MCPH1: variants seen among roughly 807,000 people sequenced by gnomAD.
MCPH1 encodes the protein microcephalin 1.
Under a neutral mutation model 84.5 loss-of-function variants are expected in MCPH1, and 104 were observed. The ratio of observed to expected loss-of-function variants is 1.23; its 90% CI spans 1.05 to 1.45. The LOEUF (loss-of-function observed/expected upper bound fraction) is 1.45. Ranked by LOEUF, MCPH1 falls within the 40% of genes most tolerant of loss-of-function variation. The pLI, the probability that MCPH1 is intolerant of heterozygous loss-of-function variation, is 0.00. For synonymous variants in MCPH1, 514 were observed against 366.8 expected (o/e 1.40, Z -4.58); for missense variants, 1,498 against 1,005.7 (o/e 1.49, Z -6.62).
intron 12 of MCPH1, among the ~76,000 whole-genome samples, chr8:6,570,868 A>G (rs1826605311): frequency 6.9e-6 from 1 of 144,118 alleles, no homozygotes; most frequent in Non-Finnish European, 1.5e-5. Flanking sequence ...AGTTTGTACT[A>G]CCGCAAACCA....
At chr8:6,540,648 C>A (rs549898055) in intron 12 of MCPH1, among the ~76,000 whole-genome samples, 1 of 152,260 alleles carries the variant, frequency 6.6e-6, no homozygotes, top group Non-Finnish European at 1.5e-5. Context: ...CAGCAGCTTA[C>A]AATGACAAAA....
chr8:6,481,984 G>C (rs750225218), intron 11 of MCPH1, among the ~76,000 whole-genome samples: 4 of 152,150 alleles, frequency 2.6e-5, no homozygotes, highest in Non-Finnish European at 5.9e-5. Context: ...GAAATCTCAG[G>C]TTATCTGGCT....
At chr8:6,463,465 C>G (rs943429366) in intron 9 of MCPH1, among the ~76,000 whole-genome samples, 5 of 152,272 alleles carry the variant, frequency 3.3e-5, no homozygotes, top group Admixed American at 6.5e-5. Flanking sequence ...TTTCAGAGAG[C>G]TCTAATCATG....
chr8:6,642,858 CG>C, intron 13 of MCPH1, 135 bp from the exon 14 acceptor site: 2 of 762,348 alleles, frequency 2.6e-6, no homozygotes, highest in Non-Finnish European at 4.6e-6. Flanking sequence ...GCTCTATGGA[CG>C]TGGGGGGGCC....
At position 6,442,157 on chromosome 8, in the gene MCPH1, G is replaced by GTAAAATTTTTATTTTCC. The variant is rs1441683402; in HGVS notation, c.670+3_670+19dup. 1 of 1,593,330 alleles carries GTAAAATTTTTATTTTCC rather than the reference G, an allele frequency of 6.3e-7. No homozygotes were observed. The highest frequency in any genetic ancestry group is 1.7e-5 in the Admixed American group (1 of 59,984). ...ATTTCACGTGATACTTTGTGTTCAGGTAAAATTTTTATTTTCCTTTCTGTG... is the reference window on the plus strand; with the variant it reads ...ATTTCACGTGATACTTTGTGTTCAGGTAAAATTTTTATTTTCCTAAAATTTTTATTTTCCTTTCTGTG... On this transcript the variant is annotated splice_donor_variant, in intron 7 of 13. Transcript: ENST00000344683. LOFTEE classifies it high-confidence loss of function.
intron 12 of MCPH1, among the ~76,000 whole-genome samples, chr8:6,521,595 T>C (rs7834131): frequency 0.095 from 14,418 of 152,276 alleles, 1,131 homozygotes; most frequent in African/African-American, 0.21. Flanking sequence ...TAAATGTGTG[T>C]ATATATGTAA....
rs149149296 is a variant in MCPH1, at chr8:6,484,736, C to T, written c.2136+3860C>T. ...CAGCAGCTTGCATGACTCTCAGGGG[C>T]ATCATGCCAAGTTGAATAGCTGGTC... On this transcript the variant is annotated intron_variant, in intron 11 of 13. Transcript: ENST00000344683. 9.2e-4 allele frequency among the ~76,000 whole-genome samples: 140 copies of T among 152,322 alleles called. 1 individual carries two copies. Among genetic ancestry groups the T allele is most frequent in the African/African-American group, 3.3e-3 (138 of 41,574 alleles).
intron 12 of MCPH1, chr8:6,562,521 C>G (rs1203721464): frequency 4.9e-6 from 4 of 822,868 alleles, no homozygotes; most frequent in Admixed American, 7.1e-5. Flanking sequence ...CAGCAACCCG[C>G]TCTCCAGCTC....
At chr8:6,461,363 T>TTTTTC (rs1806272070) in intron 9 of MCPH1, among the ~76,000 whole-genome samples, 1 of 144,558 alleles carries the variant, frequency 6.9e-6, no homozygotes, top group African/African-American at 2.6e-5. Context: ...TCTCGCTCTG[T>TTTTTC]TGTCCAGGCT....
At chr8:6,622,155 A>C (rs1563203727) in intron 13 of MCPH1, 1 of 235,872 alleles carries the variant, frequency 4.2e-6, no homozygotes, top group Admixed American at 5.1e-5. Context: ...ATGTGCTCAA[A>C]GGGTGTTAAA....
chr8:6,491,866 C>T (rs896239257), intron 11 of MCPH1, among the ~76,000 whole-genome samples: 1 of 152,110 alleles, frequency 6.6e-6, no homozygotes, highest in African/African-American at 2.4e-5. Context: ...TTTCTTAATC[C>T]AGTCTATCAT....
intron 12 of MCPH1, among the ~76,000 whole-genome samples, chr8:6,577,309 CT>C (rs1448285654): frequency 3.3e-5 from 5 of 152,332 alleles, no homozygotes; most frequent in Non-Finnish European, 5.9e-5. Context: ...ACCACGTGTG[CT>C]CCAGAACCCG....
intron 10 of MCPH1, among the ~76,000 whole-genome samples, chr8:6,479,628 C>A (rs1181362983): frequency 1.3e-5 from 2 of 151,618 alleles, no homozygotes; most frequent in Admixed American, 6.6e-5. Context: ...GTAGAGACAG[C>A]GTTTCACCAT....
intron 5 of MCPH1, 140 bp downstream of exon 5, chr8:6,436,302 G>C: frequency 1.0e-6 from 1 of 954,900 alleles, no homozygotes; most frequent in Non-Finnish European, 1.5e-6. Context: ...AAAACAAAAT[G>C]TCAGGAGCCT....
At chr8:6,622,816 C>T (rs11780088) in intron 13 of MCPH1, among the ~76,000 whole-genome samples, 7 of 152,068 alleles carry the variant, frequency 4.6e-5, no homozygotes, top group Admixed American at 4.6e-4. Context: ...TGGATTAGGG[C>T]TCACCCAATG....
chr8:6,440,977 C>T (rs777144323), intron 6 of MCPH1, among the ~76,000 whole-genome samples: 1 of 152,178 alleles, frequency 6.6e-6, no homozygotes, highest in Non-Finnish European at 1.5e-5. Flanking sequence ...TTGTACCTGC[C>T]TGGCTTTTCT....
At chr8:6,548,364 A>G (rs536128235) in intron 12 of MCPH1, among the ~76,000 whole-genome samples, 1 of 152,316 alleles carries the variant, frequency 6.6e-6, no homozygotes, top group East Asian at 1.9e-4. Context: ...GGGCAAGTCC[A>G]TGCTAGCCTA....
chr8:6,578,755 G>A (rs1434455499), intron 12 of MCPH1, among the ~76,000 whole-genome samples: 1 of 152,178 alleles, frequency 6.6e-6, no homozygotes, highest in African/African-American at 2.4e-5. Context: ...CCACTTCTCA[G>A]GAAGACAAGG....
chr8:6,546,217 C>T (rs1170321334), intron 12 of MCPH1, among the ~76,000 whole-genome samples: 5 of 152,220 alleles, frequency 3.3e-5, no homozygotes, highest in African/African-American at 1.2e-4. Flanking sequence ...TGGGTCCTTG[C>T]AGCAAACAAA....
Sources: gnomAD v4.1 joint callset for allele counts (sites outside exome capture counted in the v4.1 genomes callset) on GRCh38, gnomAD v4.1.1 for gene constraint, MANE v1.5 for transcripts, NCBI Gene and HGNC (gene_info 2026-07-23, HGNC 2026-07-21) for gene names.